The following PDE3B variants were observed in gnomAD, a reference collection of about 807,000 sequenced individuals.
PDE3B encodes cGMP-inhibited 3',5'-cyclic phosphodiesterase 3B.
A neutral mutation model predicts 116.8 loss-of-function variants in PDE3B; 66 were observed. That is an observed-to-expected ratio of 0.56 (90% confidence interval 0.46 to 0.69). The LOEUF is 0.69. Among genes scored for constraint, PDE3B ranks in the 30% least tolerant of loss-of-function variants. PDE3B has a pLI of 0.00. For missense variants in PDE3B, 1,384 were observed against 1,368.1 expected (o/e 1.01, Z -0.18); for synonymous variants, 595 against 533.6 (o/e 1.12, Z -1.59).
Position 14,867,613 on chromosome 11 carries a change from C to T in PDE3B, c.2994C>T (p.Pro998=), listed in dbSNP as rs1380066343. The change falls in exon 15 of 16, where the codon CCC becomes CCT. Residue 998 remains proline, a synonymous_variant. Coordinates refer to ENST00000282096, the MANE Select transcript of PDE3B (RefSeq NM_000922.4). The part of the protein sequence containing the change: ...QESFITHIVG[P]LCNSYDAAGL... ...CTTTTATCACCCACATAGTGGGTCC[C>T]CTGTGTAACTCCTATGATGCTGCTG... 8.1e-6 allele frequency: 13 copies of T among 1,613,810 alleles called. No individual in the cohort carries two copies. Among genetic ancestry groups the T allele is most frequent in the Non-Finnish European group, 1.0e-5 (12 of 1,179,906 alleles).
chr11:14,872,356 C>T (rs1186618393), downstream of PDE3B, among the ~76,000 whole-genome samples: 2 of 152,064 alleles, frequency 1.3e-5, no homozygotes, highest in African/African-American at 4.8e-5. Context: ...AAACTCAGAA[C>T]TGAAGAATTA....
intron 7 of PDE3B, among the ~76,000 whole-genome samples, chr11:14,824,833 C>T (rs1024727624): frequency 3.3e-5 from 5 of 152,164 alleles, no homozygotes; most frequent in African/African-American, 1.2e-4. Flanking sequence ...GCATAATCAT[C>T]AGATTTTCCA....
chr11:14,855,109 G>A (rs916899463), intron 12 of PDE3B, among the ~76,000 whole-genome samples: 69 of 152,150 alleles, frequency 4.5e-4, no homozygotes, highest in African/African-American at 1.6e-3. Context: ...AGCATTGGAA[G>A]TAGAAGTCCA....
intron 11 of PDE3B, among the ~76,000 whole-genome samples, chr11:14,839,660 C>T (rs1860162265): frequency 6.6e-6 from 1 of 152,174 alleles, no homozygotes; most frequent in African/African-American, 2.4e-5. Context: ...CATATATTTA[C>T]ATCTGGCAGG....
chr11:14,827,514 C>A (rs1410552268), intron 7 of PDE3B, among the ~76,000 whole-genome samples: 1 of 152,138 alleles, frequency 6.6e-6, no homozygotes, highest in Admixed American at 6.6e-5. Flanking sequence ...CATTCCTATA[C>A]ACTAACACAG....
intron 2 of PDE3B, among the ~76,000 whole-genome samples, chr11:14,783,984 GCCACCAC>G (rs1249770642): frequency 1.3e-5 from 2 of 152,170 alleles, no homozygotes; most frequent in African/African-American, 4.8e-5. Context: ...TGTCAGATCA[GCCACCAC>G]ATTAGATTCT....
At chr11:14,703,871 G>C (rs1233746312) in intron 1 of PDE3B, among the ~76,000 whole-genome samples, 1 of 151,526 alleles carries the variant, frequency 6.6e-6, no homozygotes, top group African/African-American at 2.4e-5. Flanking sequence ...TCTGTTAGTG[G>C]TAAGTTCTTT....
intron 1 of PDE3B, among the ~76,000 whole-genome samples, chr11:14,660,205 T>TC (rs1449978658): frequency 2.0e-5 from 3 of 152,098 alleles, no homozygotes; most frequent in Non-Finnish European, 4.4e-5. Flanking sequence ...GAGGGGAATA[T>TC]CCCCAAAATA....
chr11:14,880,526 C>T, the PDE3B span: 2 of 1,613,364 alleles, frequency 1.2e-6, no homozygotes, highest in Admixed American at 1.7e-5. Context: ...AAATCGGTGT[C>T]TTCATAAGTG....
At chr11:14,690,885 A>G (rs1000129543) in intron 1 of PDE3B, among the ~76,000 whole-genome samples, 2 of 152,150 alleles carry the variant, frequency 1.3e-5, no homozygotes, top group Admixed American at 1.3e-4. Context: ...AGAGTCCAAG[A>G]ACAGTAGCTT....
At chr11:14,836,338 A>G (rs1052731803) in intron 11 of PDE3B, among the ~76,000 whole-genome samples, 1 of 152,134 alleles carries the variant, frequency 6.6e-6, no homozygotes, top group African/African-American at 2.4e-5. Context: ...ATATAAATAT[A>G]ATATGTTCCT....
intron 1 of PDE3B, among the ~76,000 whole-genome samples, chr11:14,716,079 G>A (rs1320607880): frequency 3.9e-5 from 6 of 152,166 alleles, no homozygotes; most frequent in South Asian, 2.1e-4. Context: ...TGCGCGAGCC[G>A]AAGCAGGGCG....
chr11:14,708,781 T>C (rs564398101), intron 1 of PDE3B, among the ~76,000 whole-genome samples: 2 of 151,778 alleles, frequency 1.3e-5, no homozygotes, highest in Non-Finnish European at 2.9e-5. Flanking sequence ...ATTATATATA[T>C]ATATAGAGAG....
intron 5 of PDE3B, among the ~76,000 whole-genome samples, chr11:14,809,614 C>T (rs1249236164): frequency 6.6e-6 from 1 of 152,078 alleles, no homozygotes; most frequent in Non-Finnish European, 1.5e-5. Flanking sequence ...AAACCTAATC[C>T]CCAATGAGAC....
intron 3 of PDE3B, among the ~76,000 whole-genome samples, chr11:14,787,340 T>G (rs1858239245): frequency 6.6e-6 from 1 of 151,964 alleles, no homozygotes; most frequent in South Asian, 2.1e-4. Flanking sequence ...TCTTTGCCAA[T>G]AGCTAAAATC....
At chr11:14,722,581 A>G (rs1186301729) in intron 1 of PDE3B, among the ~76,000 whole-genome samples, 2 of 152,206 alleles carry the variant, frequency 1.3e-5, no homozygotes, top group South Asian at 4.1e-4. Context: ...CATTTTTATC[A>G]TATATTTACA....
intron 4 of PDE3B, 27 bp from the exon 5 acceptor site, chr11:14,803,917 T>C (rs1420007337): frequency 7.6e-7 from 1 of 1,312,928 alleles, no homozygotes; most frequent in East Asian, 2.3e-5. Context: ...TTTTTAAAAA[T>C]TTTAACCTGT....
At chr11:14,668,976 C>T (rs190332730) in intron 1 of PDE3B, among the ~76,000 whole-genome samples, 17 of 152,090 alleles carry the variant, frequency 1.1e-4, no homozygotes, top group Admixed American at 4.6e-4. Flanking sequence ...TAAGAGTGAG[C>T]GTCCTAATGA....
rs768763522 is a variant in PDE3B at position 14,644,260 on chromosome 11, C to G, written c.185C>G (p.Pro62Arg). 1 of 1,568,482 alleles carries G rather than the reference C, an allele frequency of 6.4e-7. No homozygotes were observed. The highest frequency in any genetic ancestry group is 8.6e-7 in the Non-Finnish European group (1 of 1,164,754). ...CRFCNVELRP[P>R]PASPQQPRRC... ...TTCTGCAACGTGGAGCTGCGGCCGC[C>G]GCCGGCCTCTCCCCAGCAGCCGCGG... Residue 62 changes from proline to arginine, a missense_variant, in exon 1 of 16, where the codon CCG (proline) becomes CGG (arginine). This residue lies in a region of PDE3B where 956 missense variants were observed against 806.8 expected (regional missense o/e 1.18). Transcript: ENST00000282096.
Sources: gnomAD v4.1 joint callset for allele counts (sites outside exome capture counted in the v4.1 genomes callset) on GRCh38, gnomAD v4.1.1 for gene constraint, gnomAD v4.1.1 regional missense constraint, MANE v1.5 for transcripts, NCBI Gene and HGNC (gene_info 2026-07-23, HGNC 2026-07-21) for gene names.